THAP6: variants seen among roughly 807,000 people sequenced by gnomAD.
THAP6 encodes the protein THAP domain-containing protein 6.
In THAP6, 13 loss-of-function variants were observed where a neutral mutation model predicts 20.0. The observed-to-expected ratio is 0.65, with a 90% CI of 0.42 to 1.03. The LOEUF (loss-of-function observed/expected upper bound fraction) is 1.03. Ranked by LOEUF, THAP6 falls within the 50% of genes least tolerant of loss-of-function variation. THAP6 has a pLI of 0.00. For synonymous variants in THAP6, 93 were observed against 92.2 expected (o/e 1.01, Z -0.05); for missense variants, 262 against 261.6 (o/e 1.00, Z -0.01).
At chr4:75,532,493 G>A (rs866222397), downstream of THAP6, among the ~76,000 whole-genome samples, 1 of 152,130 alleles carries the variant, frequency 6.6e-6, no homozygotes, top group African/African-American at 2.4e-5. Flanking sequence ...ACCATTCTAG[G>A]GTCTGGAGGA....
intron 3 of THAP6, among the ~76,000 whole-genome samples, chr4:75,543,393 G>A (rs1209333135): frequency 6.6e-6 from 1 of 152,218 alleles, no homozygotes; most frequent in Non-Finnish European, 1.5e-5. Context: ...TTCAAATGAT[G>A]TTTTCAGAAT....
intron 4 of THAP6, chr4:75,522,196 G>A (rs974921430): frequency 7.1e-6 from 2 of 282,858 alleles, no homozygotes; most frequent in Non-Finnish European, 1.3e-5. Flanking sequence ...CACATACAGA[G>A]TATTCAAGCT....
chr4:75,520,413 T>G (rs1192966980), intron 3 of THAP6, among the ~76,000 whole-genome samples: 1 of 152,172 alleles, frequency 6.6e-6, no homozygotes, highest in Non-Finnish European at 1.5e-5. Flanking sequence ...CCAAAGTACT[T>G]TTGCAAATTT....
chr4:75,520,223 A>G (rs1200591289), intron 3 of THAP6, among the ~76,000 whole-genome samples: 1 of 151,946 alleles, frequency 6.6e-6, no homozygotes, highest in Non-Finnish European at 1.5e-5. Context: ...TAGATTCTGG[A>G]TATTAGCCCT....
chr4:75,534,311 A>G (rs1252380392), downstream of THAP6, among the ~76,000 whole-genome samples: 3 of 152,212 alleles, frequency 2.0e-5, no homozygotes, highest in Non-Finnish European at 4.4e-5. Context: ...AGAAATGGGG[A>G]AAGGTTTCCC....
chr4:75,539,895 C>A (rs1204092142), intron 2 of THAP6: 2 of 1,535,944 alleles, frequency 1.3e-6, no homozygotes, highest in East Asian at 2.4e-5. Context: ...GGAAGAAGAA[C>A]AAAAACCAAG....
downstream of THAP6, among the ~76,000 whole-genome samples, chr4:75,530,828 G>A (rs72866286): frequency 1.7e-3 from 258 of 152,256 alleles, 1 homozygote; most frequent in African/African-American, 5.9e-3. Context: ...AGGGCTACTC[G>A]TTGGTTGAAT....
At chr4:75,542,953 A>T (rs1403831646) in intron 3 of THAP6, 1 of 155,162 alleles carries the variant, frequency 6.4e-6, no homozygotes, top group Admixed American at 6.4e-5. Flanking sequence ...GATCTGTCTG[A>T]TGCTACTGCC....
At chr4:75,544,582 C>G (rs1301812245) in intron 3 of THAP6, 2 of 152,114 alleles carry the variant, frequency 1.3e-5, no homozygotes, top group Non-Finnish European at 2.9e-5. Context: ...TCTCAAACTT[C>G]TGGCTTCAAG....
At chr4:75,534,975 A>G (rs1276111924), downstream of THAP6, among the ~76,000 whole-genome samples, 2 of 152,238 alleles carry the variant, frequency 1.3e-5, no homozygotes, top group Admixed American at 6.5e-5. Flanking sequence ...TAGTTCAACC[A>G]TTGTGGAAGT....
At chr4:75,535,870 T>C (rs186765583) in intron 2 of THAP6, among the ~76,000 whole-genome samples, 1 of 152,282 alleles carries the variant, frequency 6.6e-6, no homozygotes, top group Non-Finnish European at 1.5e-5. Flanking sequence ...TTCTGTACAT[T>C]GCAATCTACC....
chr4:75,529,384 T>C lies in THAP6; in HGVS notation c.*2170T>C. ...TTGCCACAGTCACTTTTACTACTTG[T>C]GTTCATAGTAGACTCAGCACTTCTT... On this transcript the variant is annotated 3_prime_UTR_variant, in exon 5 of 5. Coordinates refer to ENST00000311638, the MANE Select transcript of THAP6 (RefSeq NM_144721.6). 1 of 985,436 alleles carries C rather than the reference T, an allele frequency of 1.0e-6. No individual in the cohort carries two copies. The highest frequency in any genetic ancestry group is 1.2e-6 in the Non-Finnish European group (1 of 829,942). The allele number at this position is 985,436 out of a possible 1,614,324, so 61.0% of individuals were successfully genotyped here. A position where few individuals can be genotyped will look rare whatever the true frequency, so the allele number is the denominator to read the frequency against.
At chr4:75,546,939 C>A (rs60891346) in intron 3 of THAP6, among the ~76,000 whole-genome samples, 6 of 152,158 alleles carry the variant, frequency 3.9e-5, no homozygotes, top group Non-Finnish European at 7.3e-5. Context: ...GTACTAAAGC[C>A]CAGCCAAGTT....
chr4:75,514,036 G>A (rs1725257661), upstream of THAP6: 19 of 1,155,918 alleles, frequency 1.6e-5, no homozygotes, highest in Non-Finnish European at 2.1e-5. Context: ...TTATCGCCTT[G>A]CCAAAAACGT....
Position 75,528,594 on chromosome 4 carries a change from A to G in THAP6, c.*1380A>G, listed in dbSNP as rs937882095. 4 of 984,110 alleles carry G rather than the reference A, an allele frequency of 4.1e-6. No individual in the cohort carries two copies. The African/African-American group carries it at 7.0e-5, about 17-fold the overall frequency. 61.0% of individuals were successfully genotyped at this position (984,110 alleles called of 1,614,324 possible). Reference sequence around the variant, plus strand: ...ATGGTCACTTGAATTTTTTGTATTTAAGAATTTTCTGTTTTAATGCATGTT... The same window carrying G: ...ATGGTCACTTGAATTTTTTGTATTTGAGAATTTTCTGTTTTAATGCATGTT... On this transcript the variant is annotated 3_prime_UTR_variant, in exon 5 of 5. Coordinates refer to ENST00000311638, the MANE Select transcript of THAP6 (RefSeq NM_144721.6).
chr4:75,522,182 C>G, intron 4 of THAP6: 1 of 329,662 alleles, frequency 3.0e-6, no homozygotes, highest in Non-Finnish European at 5.5e-6. Flanking sequence ...TTTTCTCAGT[C>G]ATACACATAC....
rs1726548803 is a variant in THAP6 at position 75,528,901 on chromosome 4, A to G, written c.*1687A>G. On this transcript the variant is annotated 3_prime_UTR_variant, in exon 5 of 5. Transcript: ENST00000311638. ...CCATCTCTGCTAAAAATACAAAAAA[A>G]AATTAGCCGGGCATGGTGGCACGTG... The G allele has an allele frequency of 4.0e-5, 24 of 595,526 alleles. No homozygotes were observed. The highest frequency in any genetic ancestry group is 5.1e-5 in the Non-Finnish European group (24 of 474,274). The allele number at this position is 595,526 out of a possible 1,614,324, so 36.9% of individuals were successfully genotyped here.
At chr4:75,520,764 A>C (rs1051846073) in intron 3 of THAP6, among the ~76,000 whole-genome samples, 1 of 152,204 alleles carries the variant, frequency 6.6e-6, no homozygotes, top group African/African-American at 2.4e-5. Context: ...GCACCAATCT[A>C]TCCCCCTACT....
intron 2 of THAP6, among the ~76,000 whole-genome samples, chr4:75,537,584 C>T (rs939893323): frequency 2.0e-5 from 3 of 152,126 alleles, no homozygotes; most frequent in Non-Finnish European, 2.9e-5. Context: ...TCCAATTAAA[C>T]TACTTTCTTT....
Sources: gnomAD v4.1 joint callset for allele counts (sites outside exome capture counted in the v4.1 genomes callset) on GRCh38, gnomAD v4.1.1 for gene constraint, MANE v1.5 for transcripts, NCBI Gene and HGNC (gene_info 2026-07-23, HGNC 2026-07-21) for gene names.